RERE: variants seen among roughly 807,000 people sequenced by gnomAD.
The protein encoded by RERE is arginine-glutamic acid dipeptide repeats protein.
A neutral mutation model predicts 146.1 loss-of-function variants in RERE; 40 were observed. The observed-to-expected ratio is 0.27, with a 90% confidence interval of 0.21 to 0.36. The LOEUF is 0.36. RERE is among the 10% of genes least tolerant of loss of function. The probability of loss-of-function intolerance (pLI) is 1.00; values close to 1 mark genes in which losing one functional copy is unlikely to be tolerated. For missense variants in RERE, 1,933 were observed against 2,138.7 expected, an observed-to-expected ratio of 0.90 and a Z score of 1.90; for synonymous variants, 1,003 against 866.0, an observed-to-expected ratio of 1.16 and a Z score of -2.78.
chr1:8,357,383 C>G (rs968147360), intron 20 of RERE, among the ~76,000 whole-genome samples: 2 of 152,208 alleles, frequency 1.3e-5, no homozygotes, highest in African/African-American at 4.8e-5. Context: ...GGTACAGGGG[C>G]AGGGGAGGCG....
rs1421224716 is a variant in RERE, at chr1:8,647,375, A to G, written c.325+8598T>C. 2.6e-5 allele frequency among the ~76,000 whole-genome samples: 4 copies of G among 152,332 alleles called. No homozygotes were observed. The East Asian group carries it at 7.7e-4, about 29-fold the overall frequency. Reference sequence around the variant, plus strand: ...ACAGGGAATACACTGAAAAGCTTTAAGCAGATTAATAATAGGTCTAATAAG... The same window carrying G: ...ACAGGGAATACACTGAAAAGCTTTAGGCAGATTAATAATAGGTCTAATAAG... On this transcript the variant is annotated intron_variant, in intron 2 of 22. Transcript: ENST00000400908.
intron 1 of RERE, among the ~76,000 whole-genome samples, chr1:8,744,847 T>C (rs1353017466): frequency 6.6e-6 from 1 of 152,184 alleles, no homozygotes; most frequent in Non-Finnish European, 1.5e-5. Flanking sequence ...TGGAGACAAA[T>C]GCCCATAGTC....
intron 10 of RERE, among the ~76,000 whole-genome samples, chr1:8,478,819 G>A (rs928297239): frequency 2.0e-5 from 3 of 152,150 alleles, no homozygotes; most frequent in African/African-American, 7.2e-5. Flanking sequence ...ACTCTATCAG[G>A]CCCAGGCTAG....
chr1:8,618,176 G>A (rs1290202323), intron 3 of RERE, among the ~76,000 whole-genome samples: 1 of 152,136 alleles, frequency 6.6e-6, no homozygotes, highest in Non-Finnish European at 1.5e-5. Flanking sequence ...TAAACCTAAG[G>A]TACCAACTAA....
At chr1:8,620,215 G>C (rs1355730452) in intron 3 of RERE, among the ~76,000 whole-genome samples, 1 of 152,196 alleles carries the variant, frequency 6.6e-6, no homozygotes, top group Non-Finnish European at 1.5e-5. Context: ...AGCCACTCAA[G>C]CTAGCCAGGT....
At chr1:8,399,583 A>C (rs1643176817) in intron 12 of RERE, among the ~76,000 whole-genome samples, 2 of 152,026 alleles carry the variant, frequency 1.3e-5, no homozygotes, top group Non-Finnish European at 2.9e-5. Context: ...CTTGTTTCTT[A>C]CTCAATTTTC....
intron 11 of RERE, among the ~76,000 whole-genome samples, chr1:8,436,683 A>G (rs1644174249): frequency 6.6e-6 from 1 of 152,276 alleles, no homozygotes; most frequent in South Asian, 2.1e-4. Context: ...TCTAGTAACC[A>G]TACTTTAAAA....
At position 8,423,393 on chromosome 1, in the gene RERE, A is replaced by C; in HGVS notation, c.1204-586T>G. 1 of 280,124 alleles carries C rather than the reference A, an allele frequency of 3.6e-6. No individual in the cohort carries two copies. The highest frequency in any genetic ancestry group is 5.4e-6 in the Non-Finnish European group (1 of 185,444). The allele number at this position is 280,124 out of a possible 1,614,324, so 17.4% of individuals were successfully genotyped here. A position where few individuals can be genotyped will look rare whatever the true frequency, so the allele number is the denominator to read the frequency against. On this transcript the variant is annotated intron_variant, in intron 11 of 22. Coordinates refer to ENST00000400908, the MANE Select transcript of RERE (RefSeq NM_001042681.2). This position sits in a 1 kb window ranked among gnomAD's most constrained non-coding sequence, Gnocchi z 5.4. ...TCATTAAAAGCCACTCCGAGACACC[A>C]GAGAATAACCAGCACCCCTTCCGCC...
rs778116679 is a variant in RERE, at chr1:8,359,823, CCTT to C, written c.3556_3558del (p.Lys1186del). 1.2e-6 allele frequency: 2 copies of C among 1,608,084 alleles called. No homozygotes were observed. The highest frequency in any genetic ancestry group is 2.2e-5 in the East Asian group (1 of 44,874). ...TCCCGCTCCCGCTCCTTCTCCTTCT[CCTT>C]CTCCCGCTCTCGCTCCTCTCGGGCT... is the stretch of plus-strand genomic sequence containing the variant. On this transcript the variant is annotated inframe_deletion, in exon 19 of 23. Coordinates refer to ENST00000400908, the MANE Select transcript of RERE (RefSeq NM_001042681.2).
intron 1 of RERE, among the ~76,000 whole-genome samples, chr1:8,691,006 TC>T (rs1373279729): frequency 6.6e-6 from 1 of 152,164 alleles, no homozygotes; most frequent in Non-Finnish European, 1.5e-5. Context: ...CAAGCAGTTC[TC>T]CTGCCTCAGC....
intron 1 of RERE, among the ~76,000 whole-genome samples, chr1:8,726,224 G>C (rs1272081758): frequency 7.1e-6 from 1 of 141,278 alleles, no homozygotes; most frequent in African/African-American, 2.7e-5. Context: ...GCGTAATTTC[G>C]GCTCACTGCA....
intron 7 of RERE, among the ~76,000 whole-genome samples, chr1:8,532,636 C>A (rs914893159): frequency 1.3e-5 from 2 of 151,868 alleles, no homozygotes; most frequent in African/African-American, 4.8e-5. Flanking sequence ...CTCTTGTTGC[C>A]CAGGCTGGAG....
intron 2 of RERE, among the ~76,000 whole-genome samples, chr1:8,638,118 A>G (rs1647124942): frequency 6.6e-6 from 1 of 152,232 alleles, no homozygotes; most frequent in South Asian, 2.1e-4. Flanking sequence ...TACGAAAGCA[A>G]CATATATTGA....
chr1:8,389,926 C>T (rs1235104099), intron 12 of RERE, among the ~76,000 whole-genome samples: 2 of 152,174 alleles, frequency 1.3e-5, no homozygotes, highest in Admixed American at 1.3e-4. Flanking sequence ...GAGTATCTCC[C>T]CTAGGATCCT....
chr1:8,795,250 T>G (rs1300499467), intron 1 of RERE, among the ~76,000 whole-genome samples: 1 of 151,996 alleles, frequency 6.6e-6, no homozygotes, highest in Non-Finnish European at 1.5e-5. Context: ...GGTCTCGAAC[T>G]CCTGACTTTG....
chr1:8,530,077 A>T (rs1286853312), intron 7 of RERE, among the ~76,000 whole-genome samples: 1 of 152,146 alleles, frequency 6.6e-6, no homozygotes, highest in Non-Finnish European at 1.5e-5. Context: ...GCAGGGATGT[A>T]CATACAATCT....
intron 11 of RERE, among the ~76,000 whole-genome samples, chr1:8,439,911 A>G (rs1644223888): frequency 6.6e-6 from 1 of 152,156 alleles, no homozygotes; most frequent in African/African-American, 2.4e-5. Flanking sequence ...CGTCTACACT[A>G]AAAATACAAA....
At chr1:8,469,828 G>C (rs1176938785) in intron 10 of RERE, among the ~76,000 whole-genome samples, 2 of 152,164 alleles carry the variant, frequency 1.3e-5, no homozygotes, top group Non-Finnish European at 2.9e-5. Flanking sequence ...TTCCACTGAA[G>C]TGTTGAACAT....
At chr1:8,667,976 C>T (rs1252793233) in intron 1 of RERE, among the ~76,000 whole-genome samples, 1 of 152,180 alleles carries the variant, frequency 6.6e-6, no homozygotes, top group African/African-American at 2.4e-5. Context: ...ATTCTAACAA[C>T]GCAACCCACT....
Sources: gnomAD v4.1 joint callset for allele counts (sites outside exome capture counted in the v4.1 genomes callset) on GRCh38, gnomAD v4.1.1 for gene constraint, Gnocchi (gnomAD v3.1) non-coding constraint, MANE v1.5 for transcripts, NCBI Gene and HGNC (gene_info 2026-07-23, HGNC 2026-07-21) for gene names.